Variants in LRRC4C observed in about 807,000 individuals in gnomAD.
LRRC4C encodes leucine rich repeat containing 4C.
Under a neutral mutation model 33.6 loss-of-function variants are expected in LRRC4C, and 5 were observed. The observed-to-expected ratio is 0.15, with a 90% confidence interval of 0.08 to 0.31. The LOEUF is 0.31. LRRC4C is among the 10% of genes least tolerant of loss of function. LRRC4C has a pLI of 1.00. For missense variants in LRRC4C, 560 were observed against 796.7 expected, an observed-to-expected ratio of 0.70 and a Z score of 3.58; for synonymous variants, 329 against 302.0, an observed-to-expected ratio of 1.09 and a Z score of -0.93.
chr11:40,391,696 C>T (rs577146185), intron 3 of LRRC4C, among the ~76,000 whole-genome samples: 1 of 152,132 alleles, frequency 6.6e-6, no homozygotes, highest in Non-Finnish European at 1.5e-5. Context: ...CCTGTTTTTA[C>T]CGGTCAAATG....
chr11:40,476,822 AT>A (rs1317216845), intron 3 of LRRC4C, among the ~76,000 whole-genome samples: 3 of 152,130 alleles, frequency 2.0e-5, no homozygotes, highest in Non-Finnish European at 4.4e-5. Context: ...CATTATAAAC[AT>A]TTTTTAAAAA....
rs189948537 is a variant in LRRC4C, at chr11:40,716,515, C to A, written c.-406-68237G>T. Among the ~76,000 whole-genome samples the A allele has an allele frequency of 3.0e-3, 452 of 152,068 alleles. 1 individual carries two copies. Among genetic ancestry groups the A allele is most frequent in the Non-Finnish European group, 3.3e-3 (227 of 67,986 alleles). On this transcript the variant is annotated intron_variant, in intron 2 of 6. Transcript: ENST00000528697. Reference sequence around the variant, plus strand: ...ACTTTTGGGCCTCTGGGCAGGAGGTCATAGCAAATATTTGCTATGTGCTGA... The same window carrying A: ...ACTTTTGGGCCTCTGGGCAGGAGGTAATAGCAAATATTTGCTATGTGCTGA...
intron 1 of LRRC4C, among the ~76,000 whole-genome samples, chr11:41,145,885 T>A (rs377596586): frequency 1.5e-4 from 23 of 152,300 alleles, no homozygotes; most frequent in African/African-American, 4.8e-4. Flanking sequence ...CTTATCTCTT[T>A]TTTGCTGTAA....
At chr11:40,596,230 C>G (rs1052790779) in intron 3 of LRRC4C, among the ~76,000 whole-genome samples, 1 of 152,162 alleles carries the variant, frequency 6.6e-6, no homozygotes, top group South Asian at 2.1e-4. Context: ...TTCAGCTTAC[C>G]TACTATTCCA....
At chr11:40,588,471 T>C (rs1388589142) in intron 3 of LRRC4C, among the ~76,000 whole-genome samples, 1 of 151,770 alleles carries the variant, frequency 6.6e-6, no homozygotes, top group Non-Finnish European at 1.5e-5. Context: ...TGTGTCTCTA[T>C]TTCCTTCAGT....
At chr11:41,342,486 G>T (rs759388918) in intron 1 of LRRC4C, among the ~76,000 whole-genome samples, 1 of 152,104 alleles carries the variant, frequency 6.6e-6, no homozygotes, top group Non-Finnish European at 1.5e-5. Context: ...AGGCTGAGGG[G>T]GGTGGACCAC....
rs763961022 is a variant in LRRC4C at position 40,307,907 on chromosome 11, T to C, written c.-176+11721A>G. Among the ~76,000 whole-genome samples, 87 of 152,250 alleles carry C rather than the reference T, an allele frequency of 5.7e-4. 1 individual carries two copies. Among genetic ancestry groups the C allele is most frequent in the Non-Finnish European group, 1.1e-3 (72 of 68,044 alleles). The stretch of plus-strand genomic sequence containing the variant: ...AGAGGTTTATTGTTTAAATTATTCA[T>C]GCAACTGCCTTAATTCTCTGTTTCT... On this transcript the variant is annotated intron_variant, in intron 4 of 6. Transcript: ENST00000528697.
chr11:41,447,239 G>C (rs546009464), intron 1 of LRRC4C, among the ~76,000 whole-genome samples: 3 of 152,162 alleles, frequency 2.0e-5, no homozygotes, highest in African/African-American at 7.2e-5. Flanking sequence ...TTCCTCATCT[G>C]TAAACTAGAC....
intron 3 of LRRC4C, among the ~76,000 whole-genome samples, chr11:40,619,351 A>G (rs1962202557): frequency 6.6e-6 from 1 of 151,748 alleles, no homozygotes; most frequent in African/African-American, 2.4e-5. Context: ...GGTGTTATTG[A>G]TGAAGAATGT....
At chr11:41,314,091 G>A (rs2137206443) in intron 1 of LRRC4C, among the ~76,000 whole-genome samples, 1 of 152,250 alleles carries the variant, frequency 6.6e-6, no homozygotes, top group African/African-American at 2.4e-5. Flanking sequence ...GATTGGGAAA[G>A]GGTGGAGAAT....
intron 2 of LRRC4C, among the ~76,000 whole-genome samples, chr11:40,844,465 C>T (rs1953064893): frequency 1.3e-5 from 2 of 152,140 alleles, no homozygotes; most frequent in Non-Finnish European, 1.5e-5. Context: ...ATGGGCCCTT[C>T]TCTTTCCTTT....
intron 1 of LRRC4C, among the ~76,000 whole-genome samples, chr11:41,224,375 C>G (rs1423081327): frequency 6.6e-6 from 1 of 152,150 alleles, no homozygotes; most frequent in African/African-American, 2.4e-5. Flanking sequence ...GGCTTCACTT[C>G]TTGATGCAAT....
chr11:40,667,255 A>G (rs1380241447), intron 2 of LRRC4C, among the ~76,000 whole-genome samples: 1 of 152,230 alleles, frequency 6.6e-6, no homozygotes, highest in African/African-American at 2.4e-5. Flanking sequence ...GAGGAGCTCA[A>G]TTAAGATGCA....
intron 5 of LRRC4C, among the ~76,000 whole-genome samples, chr11:40,231,027 G>GTAAATATT (rs1261023960): frequency 6.6e-6 from 1 of 152,144 alleles, no homozygotes; most frequent in Non-Finnish European, 1.5e-5. Flanking sequence ...TAGAGTTCCA[G>GTAAATATT]TAAATATTTG....
At chr11:40,426,781 A>G (rs1950732525) in intron 3 of LRRC4C, among the ~76,000 whole-genome samples, 1 of 152,246 alleles carries the variant, frequency 6.6e-6, no homozygotes, top group Non-Finnish European at 1.5e-5. Context: ...GAATGAATGA[A>G]TAAGTGAACA....
At chr11:40,937,394 A>G (rs10768650) in intron 1 of LRRC4C, among the ~76,000 whole-genome samples, 53,895 of 151,858 alleles carry the variant, frequency 0.35, 9,699 homozygotes, top group East Asian at 0.47. Context: ...GATGGGATCC[A>G]TACCCCAAAC....
chr11:41,023,302 C>T lies in LRRC4C; in HGVS notation c.-495-89579G>A, dbSNP rs559249096. Among the ~76,000 whole-genome samples, 9 of 151,900 alleles carry T rather than the reference C, an allele frequency of 5.9e-5. No homozygotes were observed. The South Asian group carries it at 1.5e-3, about 25-fold the overall frequency. Reference sequence around the variant, plus strand: ...TATATTGGTCAAATCAATATTCAGTCATATGCAGTTGGTAGGAGTCTCACT... The same window carrying T: ...TATATTGGTCAAATCAATATTCAGTTATATGCAGTTGGTAGGAGTCTCACT... On this transcript the variant is annotated intron_variant, in intron 1 of 6. Transcript: ENST00000528697.
chr11:41,362,144 A>C (rs1952376943), intron 1 of LRRC4C, among the ~76,000 whole-genome samples: 1 of 152,200 alleles, frequency 6.6e-6, no homozygotes, highest in Admixed American at 6.5e-5. Flanking sequence ...ATCAGAGGAC[A>C]GATCTCAATG....
In LRRC4C at chr11:40,719,474, A is replaced by G. The variant is rs1591545064; in HGVS notation, c.-406-71196T>C. On this transcript the variant is annotated intron_variant, in intron 2 of 6. Transcript: ENST00000528697. ...TTAGATCTCGGAGTCATAGCTAATG[A>G]CTTTAATGTGAGGTCTGTAATATCC... Among the ~76,000 whole-genome samples the G allele has an allele frequency of 2.6e-5, 4 of 152,192 alleles. No homozygotes were observed. In the East Asian group the frequency reaches 7.7e-4, roughly 29 times the overall value.
Sources: gnomAD v4.1 joint callset for allele counts (sites outside exome capture counted in the v4.1 genomes callset) on GRCh38, gnomAD v4.1.1 for gene constraint, MANE v1.5 for transcripts, NCBI Gene and HGNC (gene_info 2026-07-23, HGNC 2026-07-21) for gene names.